MEGF11: variants seen among roughly 807,000 people sequenced by gnomAD.
MEGF11 encodes the protein multiple epidermal growth factor-like domains protein 11.
In MEGF11, 126 loss-of-function variants were observed where a neutral mutation model predicts 146.6. The ratio of observed to expected loss-of-function variants is 0.86; its 90% CI spans 0.74 to 1.00. MEGF11 has a LOEUF of 1.00. MEGF11 is among the 50% of genes least tolerant of loss of function. MEGF11 has a pLI of 0.00. For missense variants in MEGF11, 1,509 were observed against 1,521.2 expected, an observed-to-expected ratio of 0.99 and a Z score of 0.13; for synonymous variants, 532 against 583.4, an observed-to-expected ratio of 0.91 and a Z score of 1.27.
chr15:65,986,793 CTTT>C (rs34991788), intron 5 of MEGF11, among the ~76,000 whole-genome samples: 8 of 121,322 alleles, frequency 6.6e-5, no homozygotes, highest in Admixed American at 2.6e-4. Flanking sequence ...CTGATTTTTC[CTTT>C]TTTTTTTTTT....
intron 5 of MEGF11, among the ~76,000 whole-genome samples, chr15:66,053,298 T>C (rs959785034): frequency 6.6e-6 from 1 of 152,216 alleles, no homozygotes; most frequent in Non-Finnish European, 1.5e-5. Flanking sequence ...AGTACTAACA[T>C]CCTTGCCTGT....
chr15:65,913,669 G>T, intron 20 of MEGF11, 68 bp downstream of exon 20: 4 of 1,397,338 alleles, frequency 2.9e-6, no homozygotes, highest in Non-Finnish European at 4.0e-6. Flanking sequence ...AACCCTACAG[G>T]CACAACCATT....
In MEGF11 at chr15:65,982,271, G is replaced by T. The variant is rs1303880708; in HGVS notation, c.612C>A (p.Cys204Ter). 15 of 1,540,960 alleles carry T rather than the reference G, an allele frequency of 9.7e-6. No homozygotes were observed. Among genetic ancestry groups the T allele is most frequent in the Admixed American group, 3.9e-5 (2 of 50,880 alleles). The part of the protein sequence containing the change: ...GASCDPRAGE[C>*]LCAPGYTGVY... The stretch of plus-strand genomic sequence containing the variant: ...CGCCGGTGTAGCCAGGTGCGCAGAG[G>T]CACTCGCCGGCGCGGGGGTCGCAGC... Residue 204 changes from cysteine to a stop codon, truncating the protein, a stop_gained, in exon 6 of 26, where the codon TGC (cysteine) becomes TGA (stop). Transcript: ENST00000395614. LOFTEE classifies it high-confidence loss of function. This position sits in a 1 kb window ranked among gnomAD's most constrained non-coding sequence, Gnocchi z 5.6.
intron 5 of MEGF11, among the ~76,000 whole-genome samples, chr15:66,004,462 G>A (rs2082462287): frequency 6.6e-6 from 1 of 152,014 alleles, no homozygotes; most frequent in African/African-American, 2.4e-5. Flanking sequence ...GGCAAATATA[G>A]TGAATATTAA....
At chr15:66,127,469 A>G (rs961867602) in intron 2 of MEGF11, among the ~76,000 whole-genome samples, 6 of 152,198 alleles carry the variant, frequency 3.9e-5, no homozygotes, top group African/African-American at 1.4e-4. Context: ...CCTCATGGGC[A>G]TGAAGCACGG....
chr15:66,090,773 C>T (rs1054990831), intron 5 of MEGF11, among the ~76,000 whole-genome samples: 2 of 152,188 alleles, frequency 1.3e-5, no homozygotes, highest in African/African-American at 4.8e-5. Context: ...AAGGCCATTA[C>T]AAATCTAGAG....
intron 5 of MEGF11, among the ~76,000 whole-genome samples, chr15:66,018,707 C>G (rs2113687): frequency 0.21 from 31,626 of 149,854 alleles, 3,711 homozygotes; most frequent in East Asian, 0.59. Context: ...GCATGAGACT[C>G]TGTGTGAGTG....
intron 5 of MEGF11, among the ~76,000 whole-genome samples, chr15:66,068,600 A>C (rs2085239252): frequency 6.6e-6 from 1 of 152,184 alleles, no homozygotes. Context: ...ATTCAACCCC[A>C]GGGGTCCCAA....
chr15:66,188,207 G>A (rs1253199843), intron 1 of MEGF11, among the ~76,000 whole-genome samples: 1 of 151,998 alleles, frequency 6.6e-6, no homozygotes, highest in African/African-American at 2.4e-5. Flanking sequence ...GACAAAAATT[G>A]CTTCTTGTTG....
chr15:66,126,920 G>T (rs1210380961), intron 2 of MEGF11, among the ~76,000 whole-genome samples: 1 of 152,214 alleles, frequency 6.6e-6, no homozygotes, highest in African/African-American at 2.4e-5. Flanking sequence ...ATAGGCCCCA[G>T]GAGACTTTTT....
chr15:65,961,453 A>C (rs1241186772), intron 9 of MEGF11, among the ~76,000 whole-genome samples: 1 of 152,228 alleles, frequency 6.6e-6, no homozygotes, highest in African/African-American at 2.4e-5. Flanking sequence ...AATCTTTCAA[A>C]GGTAATACAC....
At chr15:65,928,394 C>T in intron 13 of MEGF11, 31 bp downstream of exon 13, 6 of 1,482,856 alleles carry the variant, frequency 4.0e-6, no homozygotes, top group Non-Finnish European at 5.6e-6. Context: ...TTTCACAGTA[C>T]CTGGGTGGTG....
At chr15:65,963,252 A>G (rs1022603069) in intron 9 of MEGF11, among the ~76,000 whole-genome samples, 15 of 152,200 alleles carry the variant, frequency 9.9e-5, no homozygotes, top group African/African-American at 3.6e-4. Context: ...CTGACCAGCC[A>G]TATGAGATTT....
chr15:65,922,561 G>C, intron 14 of MEGF11, 89 bp from the exon 15 acceptor site: 1 of 1,447,618 alleles, frequency 6.9e-7, no homozygotes, highest in South Asian at 1.5e-5. Flanking sequence ...TCAGAAACAT[G>C]GGGAGACCTG....
intron 9 of MEGF11, among the ~76,000 whole-genome samples, chr15:65,960,757 T>C (rs1055582484): frequency 2.0e-5 from 3 of 152,220 alleles, no homozygotes; most frequent in African/African-American, 7.2e-5. Flanking sequence ...TACACGCTCT[T>C]ATTTTGGTGA....
intron 7 of MEGF11, among the ~76,000 whole-genome samples, chr15:65,974,670 AAGTC>A (rs2081395019): frequency 6.6e-6 from 1 of 151,908 alleles, no homozygotes; most frequent in Non-Finnish European, 1.5e-5. Flanking sequence ...AAAAAAAGAA[AAGTC>A]AGAGTAGGGG....
At chr15:65,920,258 CTT>C (rs1454558334) in intron 15 of MEGF11, among the ~76,000 whole-genome samples, 1 of 152,320 alleles carries the variant, frequency 6.6e-6, no homozygotes, top group East Asian at 1.9e-4. Context: ...GGGCCCCATG[CTT>C]CCCCTGGCAG....
At chr15:66,234,187 C>T (rs1335203634) in intron 1 of MEGF11, among the ~76,000 whole-genome samples, 2 of 152,160 alleles carry the variant, frequency 1.3e-5, no homozygotes, top group African/African-American at 4.8e-5. Context: ...GCACGAGCCA[C>T]TGCACCCGGC....
chr15:66,098,163 G>T (rs1189886672), intron 4 of MEGF11, among the ~76,000 whole-genome samples: 1 of 152,154 alleles, frequency 6.6e-6, no homozygotes, highest in Admixed American at 6.5e-5. Flanking sequence ...ATCAGTTCTG[G>T]GGCAGCAGGT....
Sources: gnomAD v4.1 joint callset for allele counts (sites outside exome capture counted in the v4.1 genomes callset) on GRCh38, gnomAD v4.1.1 for gene constraint, Gnocchi (gnomAD v3.1) non-coding constraint, MANE v1.5 for transcripts, NCBI Gene and HGNC (gene_info 2026-07-23, HGNC 2026-07-21) for gene names.